Variants in GSE1 observed in about 807,000 individuals in gnomAD.
The protein encoded by GSE1 is genetic suppressor element 1.
In GSE1, 32 loss-of-function variants were observed where a neutral mutation model predicts 112.6. That is an observed-to-expected ratio of 0.28 (90% CI 0.21 to 0.38). The LOEUF is 0.38. Ranked by LOEUF, GSE1 falls within the 10% of genes least tolerant of loss-of-function variation. The probability of loss-of-function intolerance (pLI) is 1.00; values close to 1 mark genes in which losing one functional copy is unlikely to be tolerated. For synonymous variants in GSE1, 1,115 were observed against 735.6 expected, an observed-to-expected ratio of 1.52 and a Z score of -8.35; for missense variants, 2,348 against 1,699.2, an observed-to-expected ratio of 1.38 and a Z score of -6.71.
chr16:85,426,056 T>TGGAA (rs1555510018), intron 2 of GSE1, among the ~76,000 whole-genome samples: 2 of 144,126 alleles, frequency 1.4e-5, no homozygotes, highest in African/African-American at 5.1e-5. Context: ...GATGGATGGA[T>TGGAA]GGATGGATGG....
chr16:85,332,857 G>A (rs919091840), intron 1 of GSE1, among the ~76,000 whole-genome samples: 10 of 152,008 alleles, frequency 6.6e-5, no homozygotes, highest in Admixed American at 3.3e-4. Context: ...GGGCCAGGCC[G>A]TGTGCTGGCC....
intron 1 of GSE1, among the ~76,000 whole-genome samples, chr16:85,617,432 G>A (rs2048438296): frequency 6.6e-6 from 1 of 152,162 alleles, no homozygotes; most frequent in African/African-American, 2.4e-5. Context: ...GGTTTCTAGG[G>A]AGGCAGGTGG....
chr16:85,251,569 C>T (rs1246125985), intron 1 of GSE1, among the ~76,000 whole-genome samples: 1 of 152,218 alleles, frequency 6.6e-6, no homozygotes, highest in Non-Finnish European at 1.5e-5. Context: ...TGGAGAAGGG[C>T]AGCAGAGTGA....
intron 1 of GSE1, among the ~76,000 whole-genome samples, chr16:85,244,526 C>A (rs771087061): frequency 6.6e-6 from 1 of 152,136 alleles, no homozygotes; most frequent in African/African-American, 2.4e-5. Context: ...TCATTTGTTA[C>A]AACAGCCACA....
chr16:85,377,376 C>A (rs2047443757), intron 2 of GSE1, among the ~76,000 whole-genome samples: 1 of 152,210 alleles, frequency 6.6e-6, no homozygotes, highest in African/African-American at 2.4e-5. Flanking sequence ...AAATAAAATT[C>A]TTAACTCAAG....
chr16:85,540,818 G>T (rs939095929), intron 2 of GSE1, among the ~76,000 whole-genome samples: 3 of 152,154 alleles, frequency 2.0e-5, no homozygotes, highest in Non-Finnish European at 1.5e-5. Flanking sequence ...GAGGCAGGAG[G>T]ATCCCTTGAG....
chr16:85,550,256 G>A (rs1433885870), intron 2 of GSE1, among the ~76,000 whole-genome samples: 1 of 152,126 alleles, frequency 6.6e-6, no homozygotes, highest in Non-Finnish European at 1.5e-5. Context: ...AGCCAGCTTG[G>A]GTTCCAACCC....
At chr16:85,235,517 T>C (rs1904526408) in intron 1 of GSE1, among the ~76,000 whole-genome samples, 2 of 139,576 alleles carry the variant, frequency 1.4e-5, no homozygotes, top group African/African-American at 5.4e-5. Flanking sequence ...TGCAGAGAGG[T>C]CTTTCCTGGC....
intron 13 of GSE1, 21 bp downstream of exon 13, chr16:85,666,368 T>C (rs1196900036): frequency 6.2e-7 from 1 of 1,612,750 alleles, no homozygotes; most frequent in South Asian, 1.1e-5. Flanking sequence ...TGCCAGTCCC[T>C]GCTCAGCTCT....
At chr16:85,661,031 C>T (rs1347331126) in intron 8 of GSE1, 115 bp from the exon 9 acceptor site, 2 of 916,774 alleles carry the variant, frequency 2.2e-6, no homozygotes, top group Admixed American at 2.4e-5. Flanking sequence ...TTGGCACTGG[C>T]TCTCTAAGGG....
chr16:85,401,781 G>A (rs1034364726), intron 2 of GSE1, among the ~76,000 whole-genome samples: 1 of 152,224 alleles, frequency 6.6e-6, no homozygotes, highest in Non-Finnish European at 1.5e-5. Flanking sequence ...CTGCTACTGT[G>A]GGGGAGGGCC....
At chr16:85,636,724 C>G (rs1218163345) in intron 2 of GSE1, among the ~76,000 whole-genome samples, 3 of 152,194 alleles carry the variant, frequency 2.0e-5, no homozygotes, top group African/African-American at 7.2e-5. Context: ...TAGGACAGTT[C>G]TGAGCTGGTG....
chr16:85,643,969 A>G (rs547525685), intron 2 of GSE1, among the ~76,000 whole-genome samples: 3 of 151,758 alleles, frequency 2.0e-5, no homozygotes, highest in Admixed American at 2.0e-4. Flanking sequence ...CCCTACTCAC[A>G]GCTACTGGAA....
intron 11 of GSE1, 124 bp from the exon 12 acceptor site, chr16:85,664,891 C>T (rs2052711966): frequency 1.5e-6 from 1 of 662,024 alleles, no homozygotes; most frequent in East Asian, 2.7e-5. Context: ...CCCATCACAC[C>T]TGCTTTTGGT....
chr16:85,255,190 C>T (rs1417966064), intron 1 of GSE1, among the ~76,000 whole-genome samples: 2 of 152,194 alleles, frequency 1.3e-5, no homozygotes, highest in Non-Finnish European at 2.9e-5. Flanking sequence ...GTCCACACCA[C>T]CCCACCCGCT....
At chr16:85,639,219 G>A (rs1031626870) in intron 2 of GSE1, among the ~76,000 whole-genome samples, 1 of 152,194 alleles carries the variant, frequency 6.6e-6, no homozygotes, top group African/African-American at 2.4e-5. Context: ...CCCTCCCTTC[G>A]ACGCAGCTGG....
intron 12 of GSE1, 96 bp from the exon 13 acceptor site, chr16:85,665,880 G>C: frequency 1.7e-6 from 2 of 1,201,456 alleles, no homozygotes; most frequent in South Asian, 2.5e-5. Flanking sequence ...CTAGGTCTTT[G>C]TTAAGTGTAA....
chr16:85,654,851 G>T lies in GSE1; in HGVS notation c.657G>T (p.Leu219=). 6.2e-7 allele frequency: 1 copy of T among 1,612,018 alleles called. No individual in the cohort carries two copies. Among genetic ancestry groups the T allele is most frequent in the South Asian group, 1.1e-5 (1 of 91,044 alleles). Residue 219 remains leucine (L), a synonymous_variant, in exon 5 of 16, where the codon CTG becomes CTT. Coordinates refer to ENST00000253458, the MANE Select transcript of GSE1 (RefSeq NM_014615.5). ...CCAGTACCGTGACCGAGGACTACCT[G>T]AGAAGCTTCCGGCCCTACCACACCA... is the stretch of plus-strand genomic sequence containing the variant. The part of the protein sequence containing the change: ...VPPSTVTEDY[L]RSFRPYHTTD...
At chr16:85,559,929 G>T (rs753891835) in intron 1 of GSE1, among the ~76,000 whole-genome samples, 11 of 152,226 alleles carry the variant, frequency 7.2e-5, no homozygotes, top group Non-Finnish European at 1.2e-4. Flanking sequence ...TTATTGTCTG[G>T]TCCTGGACAG....
Sources: allele counts gnomAD v4.1 joint callset (sites outside exome capture counted in the v4.1 genomes callset), GRCh38; gene constraint gnomAD v4.1.1; transcripts MANE v1.5; gene names NCBI Gene and HGNC (gene_info 2026-07-23, HGNC 2026-07-21).